The following GRIN2A variants were observed in gnomAD, a reference collection of about 807,000 sequenced individuals.
GRIN2A encodes the protein glutamate receptor ionotropic, NMDA 2A.
GRIN2A carries 22 observed loss-of-function variants against 113.4 expected under a neutral mutation model. The ratio of observed to expected loss-of-function variants is 0.19; its 90% CI spans 0.14 to 0.28. The LOEUF is 0.28. GRIN2A is among the 10% of genes least tolerant of loss of function. The pLI, the probability that GRIN2A is intolerant of heterozygous loss-of-function variation, is 1.00. For missense variants in GRIN2A, 1,502 were observed against 1,887.0 expected (o/e 0.80, Z 3.78); for synonymous variants, 827 against 738.4 (o/e 1.12, Z -1.94).
chr16:9,902,181 C>T (rs1011022173), intron 3 of GRIN2A, among the ~76,000 whole-genome samples: 6 of 152,178 alleles, frequency 3.9e-5, no homozygotes, highest in Non-Finnish European at 8.8e-5. Context: ...AATAATAAAG[C>T]TTACATTTCT....
Position 9,757,224 on chromosome 16 carries a change from G to A in GRIN2A, c.*5925C>T, listed in dbSNP as rs2141112859. ...AAAGCCTTCCTGTGCAAAAATGTAG[G>A]AGTGTGAGTGTGTTCACCTGGTTAG... is the stretch of plus-strand genomic sequence containing the variant. On this transcript the variant is annotated 3_prime_UTR_variant, in exon 13 of 13. Transcript: ENST00000330684. 4.6e-6 allele frequency: 1 copy of A among 219,584 alleles called. No individual in the cohort carries two copies. The highest frequency in any genetic ancestry group is 1.8e-4 in the South Asian group (1 of 5,408). 13.6% of individuals were successfully genotyped at this position (219,584 alleles called of 1,614,324 possible).
At chr16:9,969,437 T>A (rs1403017914) in intron 2 of GRIN2A, among the ~76,000 whole-genome samples, 2 of 152,234 alleles carry the variant, frequency 1.3e-5, no homozygotes, top group Non-Finnish European at 2.9e-5. Context: ...GTACATCATT[T>A]ACTTGGACAT....
chr16:10,164,370 CG>C (rs1474663526), intron 2 of GRIN2A, among the ~76,000 whole-genome samples: 2 of 152,178 alleles, frequency 1.3e-5, no homozygotes, highest in African/African-American at 4.8e-5. Context: ...TCAGGGTCTG[CG>C]GGACGGACCC....
chr16:9,950,699 G>A (rs1308082452), intron 2 of GRIN2A, among the ~76,000 whole-genome samples: 1 of 152,168 alleles, frequency 6.6e-6, no homozygotes, highest in Admixed American at 6.5e-5. Flanking sequence ...GAAGGCGCAA[G>A]GATTTTGGAA....
chr16:9,980,314 G>A (rs906706803), intron 2 of GRIN2A, among the ~76,000 whole-genome samples: 1 of 151,784 alleles, frequency 6.6e-6, no homozygotes, highest in Admixed American at 6.6e-5. Context: ...TTAGAATGGC[G>A]ATCATTAAAA....
At position 9,909,007 on chromosome 16, in the gene GRIN2A, A is replaced by T. The variant is rs372713786; in HGVS notation, c.1008-17907T>A. ...GATCTAGGAGACAGGGAGTGTTATT[A>T]GTCTGTTTTTCACACTGCTGATAAA... On this transcript the variant is annotated intron_variant, in intron 3 of 12. Transcript: ENST00000330684. Among the ~76,000 whole-genome samples the T allele has an allele frequency of 3.9e-5, 6 of 152,316 alleles. No individual in the cohort carries two copies. In the South Asian group the frequency reaches 1.2e-3, roughly 32 times the overall value.
In GRIN2A at chr16:9,777,704, C is replaced by T. The variant is rs529114196; in HGVS notation, c.2357-8615G>A. On this transcript the variant is annotated intron_variant, in intron 11 of 12. Coordinates refer to ENST00000330684, the MANE Select transcript of GRIN2A (RefSeq NM_001134407.3). ...TCACATTGCAGGATTTCACAGGCCA[C>T]GTGATTAGTCGCACAAGTTGGATGG... Among the ~76,000 whole-genome samples, 4 of 152,306 alleles carry T rather than the reference C, an allele frequency of 2.6e-5. No homozygotes were observed. The South Asian group carries it at 6.2e-4, about 24-fold the overall frequency.
chr16:10,053,939 C>T (rs905831172), intron 2 of GRIN2A, among the ~76,000 whole-genome samples: 3 of 149,626 alleles, frequency 2.0e-5, no homozygotes, highest in Non-Finnish European at 4.4e-5. Flanking sequence ...GAAACCTCCA[C>T]ACAAGAGCTG....
intron 2 of GRIN2A, among the ~76,000 whole-genome samples, chr16:10,081,177 C>T (rs966249166): frequency 2.6e-5 from 4 of 152,188 alleles, no homozygotes; most frequent in Admixed American, 2.6e-4. Context: ...TAGCATGAGG[C>T]AACTGCACTC....
chr16:10,077,521 C>T (rs1189060057), intron 2 of GRIN2A, among the ~76,000 whole-genome samples: 1 of 152,198 alleles, frequency 6.6e-6, no homozygotes, highest in Non-Finnish European at 1.5e-5. Flanking sequence ...CTTCTGTTTC[C>T]ACCTGTGCCC....
chr16:10,178,816 C>T (rs2050202029), intron 2 of GRIN2A, among the ~76,000 whole-genome samples: 1 of 152,174 alleles, frequency 6.6e-6, no homozygotes, highest in Admixed American at 6.5e-5. Context: ...AAAAGGAAAG[C>T]GCTACAGTGA....
chr16:10,094,883 CAAAAAAAAA>C (rs58041208), intron 2 of GRIN2A, among the ~76,000 whole-genome samples: 27,200 of 117,624 alleles, frequency 0.23, 3,117 homozygotes, highest in East Asian at 0.5. Flanking sequence ...GAATGTGCAC[CAAAAAAAAA>C]AAAAAAAAAA....
At chr16:9,778,725 C>T (rs142952914) in intron 11 of GRIN2A, among the ~76,000 whole-genome samples, 1 of 152,268 alleles carries the variant, frequency 6.6e-6, no homozygotes, top group African/African-American at 2.4e-5. Flanking sequence ...CCTAGTTTTC[C>T]TATCCATGAC....
At chr16:9,944,810 T>G (rs1389528698) in intron 2 of GRIN2A, among the ~76,000 whole-genome samples, 1 of 152,126 alleles carries the variant, frequency 6.6e-6, no homozygotes, top group African/African-American at 2.4e-5. Context: ...CCATGCTCTA[T>G]GTACTTAAGC....
intron 3 of GRIN2A, among the ~76,000 whole-genome samples, chr16:9,912,745 T>G (rs1489140190): frequency 6.6e-6 from 1 of 152,230 alleles, no homozygotes; most frequent in Non-Finnish European, 1.5e-5. Flanking sequence ...TGGAACATAG[T>G]AACTGAAGAA....
intron 2 of GRIN2A, among the ~76,000 whole-genome samples, chr16:10,054,045 G>T (rs2047404912): frequency 6.6e-6 from 1 of 151,992 alleles, no homozygotes; most frequent in Non-Finnish European, 1.5e-5. Context: ...GGATATATTT[G>T]AATATGGAGT....
At chr16:10,094,813 G>A (rs1022541899) in intron 2 of GRIN2A, among the ~76,000 whole-genome samples, 3 of 148,386 alleles carry the variant, frequency 2.0e-5, no homozygotes, top group Non-Finnish European at 4.5e-5. Context: ...CTGATTCCAG[G>A]GTTGAAGCAG....
At chr16:10,084,022 A>G (rs2048037356) in intron 2 of GRIN2A, among the ~76,000 whole-genome samples, 1 of 152,158 alleles carries the variant, frequency 6.6e-6, no homozygotes, top group Non-Finnish European at 1.5e-5. Flanking sequence ...GGTCGCCTGG[A>G]CCCAGGAGGT....
chr16:9,914,998 G>A (rs969141962), intron 3 of GRIN2A, among the ~76,000 whole-genome samples: 5 of 125,868 alleles, frequency 4.0e-5, no homozygotes, highest in African/African-American at 6.2e-5. Context: ...GTGCAGTGGC[G>A]CGATCTCGTC....
Sources: allele counts gnomAD v4.1 joint callset (sites outside exome capture counted in the v4.1 genomes callset), GRCh38; gene constraint gnomAD v4.1.1; transcripts MANE v1.5; gene names NCBI Gene and HGNC (gene_info 2026-07-23, HGNC 2026-07-21).